MICU1: variants seen among roughly 807,000 people sequenced by gnomAD.
MICU1 encodes the protein mitochondrial calcium uptake 1.
In MICU1, 45 loss-of-function variants were observed where a neutral mutation model predicts 56.8. The observed-to-expected ratio is 0.79, with a 90% CI of 0.62 to 1.02. The LOEUF is 1.02. Among genes scored for constraint, MICU1 ranks in the 50% least tolerant of loss-of-function variants. The pLI is 0.00. For synonymous variants in MICU1, 186 were observed against 195.1 expected (o/e 0.95, Z 0.39); for missense variants, 504 against 587.1 (o/e 0.86, Z 1.46).
chr10:72,595,469 A>G (rs1841353436), intron 1 of MICU1, among the ~76,000 whole-genome samples: 1 of 100,562 alleles, frequency 9.9e-6, no homozygotes, highest in Non-Finnish European at 2.4e-5. Flanking sequence ...AAAAAAGAAA[A>G]AAAGAAAAAA....
intron 6 of MICU1, among the ~76,000 whole-genome samples, chr10:72,497,170 C>CTG (rs984046381): frequency 3.3e-5 from 5 of 152,070 alleles, no homozygotes; most frequent in Admixed American, 3.3e-4. Context: ...AGCAATTCTC[C>CTG]TGCCTCAGCC....
chr10:72,582,465 A>G (rs926497203), intron 1 of MICU1, among the ~76,000 whole-genome samples: 4 of 152,154 alleles, frequency 2.6e-5, no homozygotes, highest in Non-Finnish European at 5.9e-5. Context: ...TGTGGCTGGG[A>G]GCAATGGCTC....
chr10:72,418,315 C>A (rs1177542636), intron 9 of MICU1, among the ~76,000 whole-genome samples: 1 of 152,100 alleles, frequency 6.6e-6, no homozygotes, highest in East Asian at 1.9e-4. Context: ...ACCTACTGAG[C>A]CTCTGATTTA....
intron 1 of MICU1, among the ~76,000 whole-genome samples, chr10:72,586,287 C>A (rs1284819845): frequency 6.6e-6 from 1 of 151,922 alleles, no homozygotes. Context: ...TCTGGAATTA[C>A]GGTTGTGAGC....
At chr10:72,552,698 G>A (rs568378722) in intron 3 of MICU1, among the ~76,000 whole-genome samples, 197 of 152,154 alleles carry the variant, frequency 1.3e-3, no homozygotes, top group Middle Eastern at 3.4e-3. Flanking sequence ...TGGATTACAG[G>A]TGCCGGCCAT....
At chr10:72,570,335 T>C (rs188201209) in intron 1 of MICU1, among the ~76,000 whole-genome samples, 1 of 152,246 alleles carries the variant, frequency 6.6e-6, no homozygotes, top group Admixed American at 6.5e-5. Flanking sequence ...AGGCCCAAAT[T>C]ATTTTTTTTT....
At chr10:72,445,689 C>T (rs991610652) in intron 8 of MICU1, among the ~76,000 whole-genome samples, 1 of 152,142 alleles carries the variant, frequency 6.6e-6, no homozygotes, top group African/African-American at 2.4e-5. Flanking sequence ...GGCAAAAATA[C>T]AAGATTTGCA....
intron 5 of MICU1, among the ~76,000 whole-genome samples, chr10:72,532,464 C>G (rs141388841): frequency 1.3e-5 from 2 of 152,260 alleles, no homozygotes; most frequent in African/African-American, 4.8e-5. Flanking sequence ...TCCTGTGTGC[C>G]AGGCCCATGC....
intron 8 of MICU1, among the ~76,000 whole-genome samples, chr10:72,468,217 A>G (rs1865850960): frequency 6.6e-6 from 1 of 151,794 alleles, no homozygotes; most frequent in Admixed American, 6.6e-5. Context: ...CTGGAATTCT[A>G]TTAGATAATA....
chr10:72,574,336 C>A (rs1840688844), intron 1 of MICU1, among the ~76,000 whole-genome samples: 1 of 152,014 alleles, frequency 6.6e-6, no homozygotes, highest in Non-Finnish European at 1.5e-5. Context: ...TCAAGACCAG[C>A]CTGACCAACA....
chr10:72,397,040 G>A (rs930406724), intron 10 of MICU1, among the ~76,000 whole-genome samples: 2 of 152,130 alleles, frequency 1.3e-5, no homozygotes, highest in African/African-American at 2.4e-5. Flanking sequence ...GAGAAAGGTC[G>A]AGTTACCCAC....
chr10:72,550,806 A>G (rs1400137689), intron 4 of MICU1, among the ~76,000 whole-genome samples: 1 of 152,176 alleles, frequency 6.6e-6, no homozygotes, highest in African/African-American at 2.4e-5. Context: ...TTGTGATTAT[A>G]TATTTGATCC....
At chr10:72,465,503 CTTTTTTTTTTTTTTTTTTT>C (rs10586216) in intron 8 of MICU1, among the ~76,000 whole-genome samples, 7,724 of 58,212 alleles carry the variant, frequency 0.13, 848 homozygotes, top group African/African-American at 0.35. Flanking sequence ...CTGTTCAGGT[CTTTTTTTTTTTTTTTTTTT>C]TTTTTTTTTG....
chr10:72,396,803 A>G (rs992409940), intron 10 of MICU1, among the ~76,000 whole-genome samples: 4 of 152,208 alleles, frequency 2.6e-5, no homozygotes, highest in African/African-American at 9.6e-5. Flanking sequence ...CCAAATCTAC[A>G]TTTGATTGAT....
At chr10:72,389,935 T>G (rs1471941272) in intron 10 of MICU1, among the ~76,000 whole-genome samples, 1 of 152,202 alleles carries the variant, frequency 6.6e-6, no homozygotes, top group African/African-American at 2.4e-5. Flanking sequence ...TAGATCTAAT[T>G]TTATGCCCAG....
chr10:72,405,256 G>T (rs1046317258), intron 10 of MICU1, among the ~76,000 whole-genome samples: 2 of 151,520 alleles, frequency 1.3e-5, no homozygotes, highest in African/African-American at 4.9e-5. Context: ...TTTCGCTCTT[G>T]TCGCCCAGAA....
At chr10:72,453,672 G>A (rs1324522128) in intron 8 of MICU1, among the ~76,000 whole-genome samples, 1 of 151,840 alleles carries the variant, frequency 6.6e-6, no homozygotes, top group African/African-American at 2.4e-5. Flanking sequence ...TGGGATTACA[G>A]GCTTGCACCA....
intron 8 of MICU1, among the ~76,000 whole-genome samples, chr10:72,454,615 T>G (rs1865399796): frequency 6.6e-6 from 1 of 151,454 alleles, no homozygotes; most frequent in South Asian, 2.1e-4. Flanking sequence ...AAACCACGTC[T>G]CTATTAAAAA....
chr10:72,442,604 C>A (rs1041330754), intron 8 of MICU1, among the ~76,000 whole-genome samples: 3 of 152,162 alleles, frequency 2.0e-5, no homozygotes, highest in Admixed American at 2.0e-4. Context: ...TTTCTTTATG[C>A]CATTTTCCTT....
Sources: allele counts gnomAD v4.1 joint callset (sites outside exome capture counted in the v4.1 genomes callset), GRCh38; gene constraint gnomAD v4.1.1; transcripts MANE v1.5; gene names NCBI Gene and HGNC (gene_info 2026-07-23, HGNC 2026-07-21).